Variants in SAMD4A observed in about 807,000 individuals in gnomAD.
SAMD4A encodes sterile alpha motif domain containing 4A.
A neutral mutation model predicts 81.3 loss-of-function variants in SAMD4A; 33 were observed. The ratio of observed to expected loss-of-function variants is 0.41; its 90% CI spans 0.31 to 0.54. The LOEUF (loss-of-function observed/expected upper bound fraction) is 0.54. Among genes scored for constraint, SAMD4A ranks in the 20% least tolerant of loss-of-function variants. The pLI is 0.37. For synonymous variants in SAMD4A, 389 were observed against 382.1 expected (o/e 1.02, Z -0.21); for missense variants, 854 against 951.1 (o/e 0.90, Z 1.34).
chr14:54,672,667 A>T (rs570981111), intron 2 of SAMD4A, among the ~76,000 whole-genome samples: 1 of 152,330 alleles, frequency 6.6e-6, no homozygotes, highest in South Asian at 2.1e-4. Context: ...TTATTTTTTA[A>T]GGGTTATAAG....
intron 2 of SAMD4A, among the ~76,000 whole-genome samples, chr14:54,630,780 CA>C (rs1164950570): frequency 6.6e-6 from 1 of 151,610 alleles, no homozygotes; most frequent in African/African-American, 2.4e-5. Context: ...CAGGGTTCTC[CA>C]GAGAAAAAGA....
chr14:54,681,892 G>A (rs1356681283), intron 2 of SAMD4A: 2 of 985,316 alleles, frequency 2.0e-6, no homozygotes, highest in South Asian at 4.7e-5. Flanking sequence ...CCACTGCTCT[G>A]GAGGATGGAA....
At chr14:54,614,189 GCTCTT>G (rs1008883104) in intron 2 of SAMD4A, among the ~76,000 whole-genome samples, 2 of 152,110 alleles carry the variant, frequency 1.3e-5, no homozygotes, top group Admixed American at 1.3e-4. Flanking sequence ...AAAAACTGTG[GCTCTT>G]CTCACAAAGT....
In SAMD4A at chr14:54,791,390, C is replaced by T. The variant is rs117174233; in HGVS notation, c.*2446C>T. 3 of 152,150 alleles carry T rather than the reference C, an allele frequency of 2.0e-5. No homozygotes were observed. The highest frequency in any genetic ancestry group is 7.2e-5 in the African/African-American group (3 of 41,438). 9.4% of individuals were successfully genotyped at this position (152,150 alleles called of 1,614,324 possible). ...AACAGATTGTGAACACAATCACATTCGCATGAATCCTTTAAAAGGAAGAAG... is the reference window on the plus strand; with the variant it reads ...AACAGATTGTGAACACAATCACATTTGCATGAATCCTTTAAAAGGAAGAAG... On this transcript the variant is annotated 3_prime_UTR_variant, in exon 13 of 13. Transcript: ENST00000554335.
intron 3 of SAMD4A, among the ~76,000 whole-genome samples, chr14:54,716,043 TTCA>T (rs1160260649): frequency 6.6e-6 from 1 of 152,160 alleles, no homozygotes; most frequent in Non-Finnish European, 1.5e-5. Flanking sequence ...TGATTGTGGT[TTCA>T]TCAAGACAGA....
intron 2 of SAMD4A, among the ~76,000 whole-genome samples, chr14:54,657,839 C>A (rs1393989343): frequency 1.3e-5 from 2 of 152,156 alleles, no homozygotes; most frequent in African/African-American, 4.8e-5. Flanking sequence ...ATTTGTTGGG[C>A]CTGGATAGTC....
At chr14:54,705,754 G>A (rs1422050520) in intron 3 of SAMD4A, among the ~76,000 whole-genome samples, 1 of 152,186 alleles carries the variant, frequency 6.6e-6, no homozygotes, top group Non-Finnish European at 1.5e-5. Flanking sequence ...AGCACTGCGT[G>A]TAAGTCCATG....
At chr14:54,687,553 C>T (rs2036306954) in intron 2 of SAMD4A, among the ~76,000 whole-genome samples, 1 of 152,166 alleles carries the variant, frequency 6.6e-6, no homozygotes, top group Non-Finnish European at 1.5e-5. Flanking sequence ...GTTACTAAGC[C>T]GGTGACACAG....
At chr14:54,766,504 A>G (rs1041043463) in intron 8 of SAMD4A, among the ~76,000 whole-genome samples, 1 of 152,192 alleles carries the variant, frequency 6.6e-6, no homozygotes, top group African/African-American at 2.4e-5. Flanking sequence ...GAGCCAGAAC[A>G]GGGCATTTCC....
chr14:54,776,372 T>G (rs773627780), intron 10 of SAMD4A, 42 bp from the exon 11 acceptor site: 3 of 1,568,048 alleles, frequency 1.9e-6, no homozygotes, highest in Non-Finnish European at 2.6e-6. Context: ...TCCACCCCAG[T>G]GGGGCTGAAC....
chr14:54,752,580 A>ATG (rs766963448), intron 6 of SAMD4A, among the ~76,000 whole-genome samples: 3 of 152,160 alleles, frequency 2.0e-5, no homozygotes, highest in South Asian at 4.1e-4. Flanking sequence ...GTGCACAAAG[A>ATG]TGTGTGTGTG....
intron 2 of SAMD4A, among the ~76,000 whole-genome samples, chr14:54,569,186 C>T (rs1010508666): frequency 1.3e-5 from 2 of 152,130 alleles, no homozygotes; most frequent in African/African-American, 4.8e-5. Context: ...CTGCAAAGCT[C>T]AGCAGAGGTC....
At chr14:54,671,764 C>A (rs1441183369) in intron 2 of SAMD4A, among the ~76,000 whole-genome samples, 1 of 152,198 alleles carries the variant, frequency 6.6e-6, no homozygotes, top group Non-Finnish European at 1.5e-5. Flanking sequence ...TGGCAATGAA[C>A]CAGCTGCCAG....
At chr14:54,573,619 G>A (rs1415738936) in intron 2 of SAMD4A, among the ~76,000 whole-genome samples, 1 of 152,184 alleles carries the variant, frequency 6.6e-6, no homozygotes, top group Non-Finnish European at 1.5e-5. Context: ...TCACTACTTT[G>A]AGATTTTAGT....
In SAMD4A at chr14:54,681,398, A is replaced by G. The variant is rs147412868; in HGVS notation, c.197-20664A>G. On this transcript the variant is annotated intron_variant, in intron 2 of 12. Transcript: ENST00000554335. ...GTGATTGTGTGTGTGTGTATTGATC[A>G]TTATGCTCATGAGACACTGATTATT... 7.7e-4 allele frequency among the ~76,000 whole-genome samples: 117 copies of G among 152,290 alleles called. 2 individuals are homozygous for G. In the East Asian group the frequency reaches 0.019, roughly 24 times the overall value.
chr14:54,614,258 A>T (rs1464880540), intron 2 of SAMD4A, among the ~76,000 whole-genome samples: 1 of 152,248 alleles, frequency 6.6e-6, no homozygotes, highest in South Asian at 2.1e-4. Flanking sequence ...ATGTTAACAT[A>T]TAATGGGGTT....
intron 6 of SAMD4A, among the ~76,000 whole-genome samples, chr14:54,759,523 T>C: frequency 6.6e-6 from 1 of 152,200 alleles, no homozygotes; most frequent in East Asian, 1.9e-4. Context: ...TGGCATGATA[T>C]AGTTATCTCA....
At chr14:54,772,433 G>C (rs2139921061) in intron 9 of SAMD4A, among the ~76,000 whole-genome samples, 1 of 152,182 alleles carries the variant, frequency 6.6e-6, no homozygotes, top group East Asian at 1.9e-4. Flanking sequence ...CCCTCGAAGG[G>C]TCCCATCAGG....
intron 3 of SAMD4A, among the ~76,000 whole-genome samples, chr14:54,735,858 C>T (rs2037678567): frequency 1.3e-5 from 2 of 152,236 alleles, no homozygotes; most frequent in Admixed American, 6.5e-5. Context: ...CACAGATTAA[C>T]ACCCACAAAG....
Sources: gnomAD v4.1 joint callset for allele counts (sites outside exome capture counted in the v4.1 genomes callset) on GRCh38, gnomAD v4.1.1 for gene constraint, MANE v1.5 for transcripts, NCBI Gene and HGNC (gene_info 2026-07-23, HGNC 2026-07-21) for gene names.